Variants in SYNE2 observed in about 807,000 individuals in gnomAD.
SYNE2 encodes nesprin-2.
SYNE2 carries 431 observed loss-of-function variants against 856.3 expected under a neutral mutation model. That is an observed-to-expected ratio of 0.50 (90% CI 0.47 to 0.55). The LOEUF (loss-of-function observed/expected upper bound fraction) is 0.55, where lower values mean the gene tolerates loss of function less well. Ranked by LOEUF, SYNE2 falls within the 20% of genes least tolerant of loss-of-function variation. The probability of loss-of-function intolerance (pLI) is 0.00; values close to 1 mark genes in which losing one functional copy is unlikely to be tolerated. For missense variants in SYNE2, 8,129 were observed against 8,023.2 expected (o/e 1.01, Z -0.50); for synonymous variants, 2,923 against 2,872.3 (o/e 1.02, Z -0.56).
intron 1 of SYNE2, among the ~76,000 whole-genome samples, chr14:63,797,033 C>T (rs1191591409): frequency 2.1e-5 from 3 of 144,862 alleles, no homozygotes; most frequent in African/African-American, 7.8e-5. Flanking sequence ...GAGCCAACCT[C>T]GTGCCACTGC....
chr14:64,136,473 G>A (rs1490881599), intron 78 of SYNE2, among the ~76,000 whole-genome samples: 1 of 151,964 alleles, frequency 6.6e-6, no homozygotes, highest in Non-Finnish European at 1.5e-5. Context: ...TATGGACGTG[G>A]AATTTTTTGG....
At chr14:64,162,381 T>G (rs762903912) in intron 88 of SYNE2, 105 bp downstream of exon 88, 3 of 1,199,386 alleles carry the variant, frequency 2.5e-6, no homozygotes, top group Non-Finnish European at 3.6e-6. Context: ...GACAGAGTAG[T>G]CAGGACAGGT....
rs765353232 is a variant in SYNE2, at chr14:64,165,355, A to G, written c.16550A>G (p.Glu5517Gly). Residue 5517 changes from glutamate to glycine, a missense_variant, in exon 90 of 116, where the codon GAA becomes GGA. Around this residue, in one of 3 missense-constraint regions of SYNE2, gnomAD observed 5,410 missense variants for 5,284.8 expected, o/e 1.02. Coordinates refer to ENST00000555002, the MANE Select transcript of SYNE2 (RefSeq NM_182914.3). The stretch of plus-strand genomic sequence containing the variant: ...TTAAAAGGTCTTATTATGCATGAAG[A>G]AGAGAATTTGGATAGACTTCACCAA... ...ESLKGLIMHEEENLDRLHQQE... is the reference protein window; with the variant it reads ...ESLKGLIMHEGENLDRLHQQE... 18 of 1,613,810 alleles carry G rather than the reference A, an allele frequency of 1.1e-5. No homozygotes were observed. Among genetic ancestry groups the G allele is most frequent in the Non-Finnish European group, 1.5e-5 (18 of 1,179,914 alleles).
intron 1 of SYNE2, among the ~76,000 whole-genome samples, chr14:63,833,517 A>G (rs1199444880): frequency 1.3e-5 from 2 of 152,190 alleles, no homozygotes; most frequent in East Asian, 3.8e-4. Context: ...TAACAAAAGA[A>G]CTACCTATGT....
At chr14:64,208,644 C>A in intron 100 of SYNE2, 114 bp from the exon 101 acceptor site, 1 of 1,108,142 alleles carries the variant, frequency 9.0e-7, no homozygotes, top group Non-Finnish European at 1.4e-6. Flanking sequence ...GAAATCCACC[C>A]AGGGAAGTAT....
At chr14:64,222,443 A>G (rs2098698854) in intron 112 of SYNE2, among the ~76,000 whole-genome samples, 1 of 152,182 alleles carries the variant, frequency 6.6e-6, no homozygotes, top group Non-Finnish European at 1.5e-5. Flanking sequence ...TAGGCCGGGC[A>G]CGGTGGCTCC....
chr14:63,904,978 T>C (rs1226147733), intron 1 of SYNE2, among the ~76,000 whole-genome samples: 2 of 152,194 alleles, frequency 1.3e-5, no homozygotes, highest in Non-Finnish European at 2.9e-5. Context: ...GAGTTAATTT[T>C]TGTTTATGGT....
chr14:63,868,792 A>C (rs532936374), intron 1 of SYNE2, among the ~76,000 whole-genome samples: 4 of 152,308 alleles, frequency 2.6e-5, no homozygotes, highest in African/African-American at 9.6e-5. Flanking sequence ...AAAGGCATTC[A>C]AAGTCTGATC....
chr14:63,880,868 A>G (rs911777363), intron 1 of SYNE2, among the ~76,000 whole-genome samples: 5 of 149,958 alleles, frequency 3.3e-5, no homozygotes, highest in African/African-American at 4.9e-5. Context: ...TTTTTTTGAG[A>G]CGGAGTCTTG....
chr14:64,191,357 C>T (rs1309165480), intron 99 of SYNE2, among the ~76,000 whole-genome samples: 1 of 152,018 alleles, frequency 6.6e-6, no homozygotes, highest in African/African-American at 2.4e-5. Flanking sequence ...GGTATCTGAG[C>T]ATCTGTAAAA....
At chr14:63,843,698 T>C (rs1566602587) in intron 1 of SYNE2, among the ~76,000 whole-genome samples, 1 of 152,218 alleles carries the variant, frequency 6.6e-6, no homozygotes, top group Non-Finnish European at 1.5e-5. Flanking sequence ...TACTGAATTG[T>C]ATCAAAGGCC....
chr14:64,128,761 C>T (rs1036431507), intron 74 of SYNE2, among the ~76,000 whole-genome samples: 2 of 152,212 alleles, frequency 1.3e-5, no homozygotes, highest in African/African-American at 4.8e-5. Flanking sequence ...GCCATTTTCA[C>T]TTATCAACCA....
rs746639416 is a variant in SYNE2 at position 64,020,026 on chromosome 14, A to G, written c.5084A>G (p.Glu1695Gly). 5.6e-6 allele frequency: 9 copies of G among 1,613,754 alleles called. No homozygotes were observed. The Admixed American group carries it at 1.5e-4, about 27-fold the overall frequency. ...CAAGTCCATGAACAAAAAACTTCAG[A>G]ATTTTCTAGAAGAGTGGCTGAAATA... The part of the protein sequence containing the change: ...ELQVHEQKTS[E>G]FSRRVAEIQF... Residue 1695 changes from glutamate to glycine, a missense_variant, in exon 35 of 116, where the codon GAA becomes GGA. Transcript: ENST00000555002.
intron 32 of SYNE2, among the ~76,000 whole-genome samples, chr14:64,011,933 C>G (rs1277790703): frequency 6.6e-6 from 1 of 152,172 alleles, no homozygotes. Context: ...TCCTCTGTGG[C>G]TATCATAACT....
chr14:64,107,348 A>G, intron 64 of SYNE2, 143 bp from the exon 65 acceptor site: 1 of 756,176 alleles, frequency 1.3e-6, no homozygotes, highest in Non-Finnish European at 2.3e-6. Flanking sequence ...CTAATGAACA[A>G]ACTTTTTTCT....
intron 1 of SYNE2, among the ~76,000 whole-genome samples, chr14:63,814,920 C>CCATATATATATCCATATA (rs1566584476): frequency 1.8e-4 from 6 of 34,116 alleles, no homozygotes; most frequent in African/African-American, 4.9e-4. Context: ...ATCCATATAT[C>CCATATATATATCCATATA]TATCCATATA....
At chr14:63,959,810 T>C (rs2096287054) in intron 8 of SYNE2, among the ~76,000 whole-genome samples, 1 of 152,200 alleles carries the variant, frequency 6.6e-6, no homozygotes, top group South Asian at 2.1e-4. Flanking sequence ...TTAAATACTT[T>C]TCTTATATTA....
chr14:63,832,615 C>G (rs1287002268), intron 1 of SYNE2, among the ~76,000 whole-genome samples: 10 of 152,174 alleles, frequency 6.6e-5, no homozygotes, highest in Non-Finnish European at 1.0e-4. Flanking sequence ...CTCTACCTCT[C>G]TGTTTTACAG....
intron 34 of SYNE2, among the ~76,000 whole-genome samples, chr14:64,019,272 C>CAAAA (rs5809210): frequency 2.5e-4 from 36 of 143,172 alleles, no homozygotes; most frequent in African/African-American, 8.2e-4. Flanking sequence ...GACTCCGTCT[C>CAAAA]AAAAAAAAAA....
Sources: gnomAD v4.1 joint callset for allele counts (sites outside exome capture counted in the v4.1 genomes callset) on GRCh38, gnomAD v4.1.1 for gene constraint, gnomAD v4.1.1 regional missense constraint, MANE v1.5 for transcripts, NCBI Gene and HGNC (gene_info 2026-07-23, HGNC 2026-07-21) for gene names.